LPA: variants seen among roughly 807,000 people sequenced by gnomAD.
LPA encodes the protein apolipoprotein(a).
A neutral mutation model predicts 197.9 loss-of-function variants in LPA; 199 were observed. The observed-to-expected ratio is 1.01, with a 90% CI of 0.90 to 1.13. The LOEUF is 1.13. LPA is among the 50% of genes most tolerant of loss of function. LPA has a pLI of 0.00. For synonymous variants in LPA, 715 were observed against 639.5 expected (o/e 1.12, Z -1.78); for missense variants, 1,853 against 1,785.8 (o/e 1.04, Z -0.68).
At chr6:160,548,767 T>A in intron 30 of LPA, 108 bp from the exon 31 acceptor site, 1 of 1,142,862 alleles carries the variant, frequency 8.7e-7, no homozygotes, top group African/African-American at 1.5e-5. Flanking sequence ...GTCTTTGAAA[T>A]ATTCCCATTA....
At chr6:160,560,097 T>C (rs945262967) in intron 28 of LPA, among the ~76,000 whole-genome samples, 1 of 152,222 alleles carries the variant, frequency 6.6e-6, no homozygotes, top group East Asian at 1.9e-4. Flanking sequence ...GCTTCATCCA[T>C]GTCCCTGCAA....
intron 30 of LPA, among the ~76,000 whole-genome samples, chr6:160,550,679 A>G (rs1778153750): frequency 6.6e-6 from 1 of 150,904 alleles, no homozygotes; most frequent in Non-Finnish European, 1.5e-5. Context: ...TTACTGCTCA[A>G]TCAATCTCTG....
chr6:160,586,418 G>A (rs565070044), intron 25 of LPA, 31 bp downstream of exon 25: 2 of 1,610,952 alleles, frequency 1.2e-6, no homozygotes, highest in Admixed American at 1.7e-5. Context: ...CAATGTCCGA[G>A]GGTATGGTTG....
At chr6:160,576,987 C>A in intron 28 of LPA, 149 bp downstream of exon 28, 2 of 890,604 alleles carry the variant, frequency 2.2e-6, no homozygotes, top group Non-Finnish European at 3.6e-6. Flanking sequence ...CTCTTAGACT[C>A]TTTGCTCAAA....
intron 24 of LPA, 109 bp from the exon 25 acceptor site, chr6:160,586,739 A>T: frequency 7.5e-6 from 11 of 1,475,264 alleles, no homozygotes; most frequent in Non-Finnish European, 1.0e-5. Context: ...AATTTGAAAT[A>T]TTCTCACTAA....
chr6:160,649,470 T>A (rs1434974457), intron 2 of LPA, among the ~76,000 whole-genome samples: 1 of 152,120 alleles, frequency 6.6e-6, no homozygotes, highest in East Asian at 1.9e-4. Flanking sequence ...GCCTAGAAAA[T>A]CCTAGCCACC....
chr6:160,543,927 G>C (rs967593731), intron 33 of LPA, among the ~76,000 whole-genome samples: 3 of 152,184 alleles, frequency 2.0e-5, no homozygotes, highest in African/African-American at 4.8e-5. Flanking sequence ...CCAAGTGTCT[G>C]ATGGGAACCC....
At chr6:160,647,469 T>C (rs367870530) in intron 2 of LPA, among the ~76,000 whole-genome samples, 108 of 152,314 alleles carry the variant, frequency 7.1e-4, no homozygotes, top group African/African-American at 2.5e-3. Flanking sequence ...ACATGTGGCC[T>C]AGTCTCAGTC....
chr6:160,587,775 GT>G, intron 24 of LPA, among the ~76,000 whole-genome samples: 1 of 120,048 alleles, frequency 8.3e-6, no homozygotes, highest in African/African-American at 3.7e-5. Context: ...GTGTGTGTGT[GT>G]GTGTGTGTGT....
intron 19 of LPA, among the ~76,000 whole-genome samples, chr6:160,599,966 T>A (rs1284986134): frequency 3.3e-5 from 5 of 152,138 alleles, no homozygotes; most frequent in Admixed American, 3.3e-4. Flanking sequence ...CTCTACAGAG[T>A]GTTCATGACG....
chr6:160,558,935 C>T (rs569115670), intron 28 of LPA, among the ~76,000 whole-genome samples: 1 of 152,218 alleles, frequency 6.6e-6, no homozygotes, highest in Non-Finnish European at 1.5e-5. Flanking sequence ...CCAGCCTAGA[C>T]CCCCATTTGA....
intron 1 of LPA, among the ~76,000 whole-genome samples, chr6:160,657,385 T>C (rs984688509): frequency 5.6e-5 from 8 of 143,918 alleles, no homozygotes; most frequent in African/African-American, 2.1e-4. Context: ...ACCAAGCAAA[T>C]AAACTATTAT....
chr6:160,651,436 G>A (rs1780004119), intron 1 of LPA, among the ~76,000 whole-genome samples: 4 of 152,152 alleles, frequency 2.6e-5, no homozygotes, highest in Admixed American at 2.6e-4. Context: ...ATCACTGGAG[G>A]AATTTAAACC....
intron 32 of LPA, 58 bp from the exon 33 acceptor site, chr6:160,545,591 A>T (rs1230571233): frequency 2.1e-6 from 2 of 967,692 alleles, no homozygotes; most frequent in East Asian, 2.4e-5. Context: ...GGGAGAAGAT[A>T]TTCTAAGGCA....
chr6:160,635,684 T>C (rs1779803980), intron 6 of LPA, among the ~76,000 whole-genome samples: 2 of 119,232 alleles, frequency 1.7e-5, no homozygotes, highest in Non-Finnish European at 3.5e-5. Context: ...TGTATTCACA[T>C]GCAAATGCAT....
At chr6:160,611,351 T>C (rs1428535853) in intron 16 of LPA, among the ~76,000 whole-genome samples, 1 of 152,230 alleles carries the variant, frequency 6.6e-6, no homozygotes, top group South Asian at 2.1e-4. Context: ...CTCATTTCCC[T>C]TCTGCTCCAC....
chr6:160,598,767 AAAG>A (rs1203230874), intron 20 of LPA, among the ~76,000 whole-genome samples: 2 of 152,178 alleles, frequency 1.3e-5, no homozygotes, highest in East Asian at 3.9e-4. Context: ...ACCCATTGAA[AAAG>A]AAGTAGATAG....
At chr6:160,557,898 T>C (rs886186552) in intron 28 of LPA, among the ~76,000 whole-genome samples, 1 of 151,928 alleles carries the variant, frequency 6.6e-6, no homozygotes, top group Non-Finnish European at 1.5e-5. Flanking sequence ...ATAAATGACA[T>C]AGATTTTGAA....
chr6:160,611,523 T>G (rs368233464), intron 16 of LPA, 39 bp downstream of exon 16: 2 of 1,606,116 alleles, frequency 1.2e-6, no homozygotes, highest in African/African-American at 2.7e-5. Context: ...AAACTTCAGT[T>G]GGCCCTTTAT....
Sources: gnomAD v4.1 joint callset for allele counts (sites outside exome capture counted in the v4.1 genomes callset) on GRCh38, gnomAD v4.1.1 for gene constraint, MANE v1.5 for transcripts, NCBI Gene and HGNC (gene_info 2026-07-23, HGNC 2026-07-21) for gene names.